Variants in XPO1 observed in about 807,000 individuals in gnomAD.
The protein encoded by XPO1 is exportin-1.
A neutral mutation model predicts 133.3 loss-of-function variants in XPO1; 5 were observed. The observed-to-expected ratio is 0.04, with a 90% CI of 0.02 to 0.08. XPO1 has a LOEUF of 0.08. XPO1 is among the 10% of genes least tolerant of loss of function. The probability of loss-of-function intolerance (pLI) is 1.00; values close to 1 mark genes in which losing one functional copy is unlikely to be tolerated. For missense variants in XPO1, 506 were observed against 1,267.5 expected (o/e 0.40, Z 9.12); for synonymous variants, 419 against 408.2 (o/e 1.03, Z -0.32).
At chr2:61,489,784 G>C (rs1696881382) in intron 17 of XPO1, among the ~76,000 whole-genome samples, 1 of 151,902 alleles carries the variant, frequency 6.6e-6, no homozygotes, top group Non-Finnish European at 1.5e-5. Context: ...TCGATCCCCT[G>C]ACCTGGTGAT....
At chr2:61,489,111 A>G (rs1696839251) in intron 17 of XPO1, among the ~76,000 whole-genome samples, 1 of 151,482 alleles carries the variant, frequency 6.6e-6, no homozygotes, top group Non-Finnish European at 1.5e-5. Context: ...CAAAAAAAAA[A>G]AAAGAATTAT....
chr2:61,493,833 G>T, intron 12 of XPO1, 61 bp downstream of exon 12: 1 of 1,541,318 alleles, frequency 6.5e-7, no homozygotes, highest in Non-Finnish European at 8.9e-7. Flanking sequence ...GAAGTATTTG[G>T]ATTCAGACCT....
chr2:61,501,630 G>A (rs1467170271), intron 6 of XPO1, among the ~76,000 whole-genome samples: 2 of 147,332 alleles, frequency 1.4e-5, no homozygotes, highest in African/African-American at 5.0e-5. Flanking sequence ...GGCTGAGGCA[G>A]AACAATCGCT....
intron 3 of XPO1, chr2:61,525,208 C>T (rs1698865125): frequency 1.8e-5 from 17 of 943,926 alleles, no homozygotes; most frequent in Non-Finnish European, 2.1e-5. Flanking sequence ...CCCCTCCCAC[C>T]GCCCATGAAA....
chr2:61,529,588 G>C (rs1010182435), intron 2 of XPO1, among the ~76,000 whole-genome samples: 1 of 151,616 alleles, frequency 6.6e-6, no homozygotes, highest in Admixed American at 6.6e-5. Context: ...CCAGGACCCG[G>C]AAGGCGGAGG....
chr2:61,509,238 C>A (rs528057341), intron 4 of XPO1, among the ~76,000 whole-genome samples: 14 of 151,974 alleles, frequency 9.2e-5, no homozygotes, highest in African/African-American at 3.1e-4. Flanking sequence ...CTCCTGACCT[C>A]AGGCAACCCA....
intron 2 of XPO1, among the ~76,000 whole-genome samples, chr2:61,527,397 AG>A: frequency 6.6e-6 from 1 of 150,910 alleles, no homozygotes; most frequent in East Asian, 2.0e-4. Context: ...CCGAGATGGG[AG>A]GATCACTTGA....
chr2:61,506,914 C>G (rs1045136885), intron 4 of XPO1, among the ~76,000 whole-genome samples: 1 of 151,874 alleles, frequency 6.6e-6, no homozygotes, highest in African/African-American at 2.4e-5. Context: ...TTTCTAAGCT[C>G]TTCCTTAAAA....
chr2:61,529,366 T>C (rs1699052796), intron 2 of XPO1, among the ~76,000 whole-genome samples: 1 of 152,162 alleles, frequency 6.6e-6, no homozygotes, highest in Non-Finnish European at 1.5e-5. Context: ...TTTAAAACAA[T>C]CGTATGCTCG....
At chr2:61,507,676 G>A (rs577861408) in intron 4 of XPO1, among the ~76,000 whole-genome samples, 4 of 152,088 alleles carry the variant, frequency 2.6e-5, no homozygotes, top group South Asian at 4.2e-4. Context: ...CCAGGAGTTC[G>A]AGACCAGCCT....
chr2:61,529,678 AAAAG>A (rs1432316261), intron 2 of XPO1, among the ~76,000 whole-genome samples: 75 of 152,248 alleles, frequency 4.9e-4, no homozygotes, highest in African/African-American at 1.7e-3. Context: ...AAAAAAAAAA[AAAAG>A]AAAGAAATTA....
intron 20 of XPO1, 48 bp downstream of exon 20, chr2:61,485,720 A>C (rs1408405817): frequency 6.8e-7 from 1 of 1,476,864 alleles, no homozygotes; most frequent in Non-Finnish European, 9.3e-7. Context: ...TCAAGAATTA[A>C]GGCTATCCTG....
At chr2:61,479,475 G>A (rs1315019879) in intron 24 of XPO1, among the ~76,000 whole-genome samples, 2 of 152,024 alleles carry the variant, frequency 1.3e-5, no homozygotes, top group Non-Finnish European at 1.5e-5. Context: ...AAAAAAAATG[G>A]TGTGATACCT....
Position 61,516,258 on chromosome 2 carries a change from T to C in XPO1, c.301+6353A>G, listed in dbSNP as rs555205657. ...AGGCGGAGGCTGCAGTGAGTGGAGA[T>C]TGAGCCACTGCACTCCAGCCTGGGC... On this transcript the variant is annotated intron_variant, in intron 4 of 24. Coordinates refer to ENST00000401558, the MANE Select transcript of XPO1 (RefSeq NM_003400.4). Among the ~76,000 whole-genome samples the C allele has an allele frequency of 2.1e-4, 32 of 151,580 alleles. No individual in the cohort carries two copies. The East Asian group carries it at 2.9e-3, about 14-fold the overall frequency.
chr2:61,482,609 TTTG>T (rs1258434462), intron 22 of XPO1, 70 bp from the exon 23 acceptor site: 27 of 1,294,792 alleles, frequency 2.1e-5, no homozygotes, highest in African/African-American at 1.4e-4. Flanking sequence ...TTTTTTTTGT[TTTG>T]TTTTTTTTTT....
intron 2 of XPO1, among the ~76,000 whole-genome samples, chr2:61,529,252 G>C (rs997844015): frequency 6.6e-6 from 1 of 152,168 alleles, no homozygotes; most frequent in Admixed American, 6.5e-5. Context: ...TTAATTCTAT[G>C]GTTATAAACA....
intron 1 of XPO1, chr2:61,536,550 A>C (rs1699361087): frequency 6.6e-6 from 1 of 152,264 alleles, no homozygotes; most frequent in African/African-American, 2.4e-5. Context: ...TAGGTGAAAA[A>C]CAAGTCGCTA....
chr2:61,524,232 T>C (rs1698817720), intron 3 of XPO1, among the ~76,000 whole-genome samples: 1 of 152,208 alleles, frequency 6.6e-6, no homozygotes, highest in Non-Finnish European at 1.5e-5. Context: ...AAAAAGCCTT[T>C]AAAACACTAA....
chr2:61,490,367 T>A (rs1193611689), intron 17 of XPO1, among the ~76,000 whole-genome samples: 1 of 151,946 alleles, frequency 6.6e-6, no homozygotes, highest in Non-Finnish European at 1.5e-5. Flanking sequence ...CCCAGCTAAT[T>A]TTTGTATTTT....
Sources: gnomAD v4.1 joint callset for allele counts (sites outside exome capture counted in the v4.1 genomes callset) on GRCh38, gnomAD v4.1.1 for gene constraint, MANE v1.5 for transcripts, NCBI Gene and HGNC (gene_info 2026-07-23, HGNC 2026-07-21) for gene names.